Variants in CHST9 observed in about 807,000 individuals in gnomAD.
CHST9 encodes the protein GalNAc-4-sulfotransferase 2.
A neutral mutation model predicts 44.4 loss-of-function variants in CHST9; 41 were observed. The observed-to-expected ratio is 0.92, with a 90% confidence interval of 0.72 to 1.20. The LOEUF (loss-of-function observed/expected upper bound fraction) is 1.20, where lower values mean the gene tolerates loss of function less well. Ranked by LOEUF, CHST9 falls within the 50% of genes most tolerant of loss-of-function variation. The pLI is 0.00. For synonymous variants in CHST9, 171 were observed against 178.4 expected (o/e 0.96, Z 0.33); for missense variants, 504 against 516.5 (o/e 0.98, Z 0.23).
At chr18:27,025,400 T>C (rs546645977) in intron 3 of CHST9, among the ~76,000 whole-genome samples, 1 of 152,086 alleles carries the variant, frequency 6.6e-6, no homozygotes, top group South Asian at 2.1e-4. Flanking sequence ...ATTTATAATA[T>C]TGCTTTGCTA....
intron 3 of CHST9, among the ~76,000 whole-genome samples, chr18:27,027,757 A>ATAATCATCATGTATATTTCTCAGTTTCTG (rs1406611644): frequency 4.2e-4 from 64 of 152,336 alleles, no homozygotes; most frequent in Non-Finnish European, 8.2e-4. Context: ...AACTACACCC[A>ATAATCATCATGTATATTTCTCAGTTTCTG]TAATCATCAT....
intron 2 of CHST9, among the ~76,000 whole-genome samples, chr18:27,137,884 G>A (rs898763018): frequency 6.6e-6 from 1 of 152,030 alleles, no homozygotes. Context: ...GTAGCTGGGG[G>A]AAAAAATAAA....
chr18:27,179,510 T>C (rs2058894872), intron 1 of CHST9, among the ~76,000 whole-genome samples: 1 of 152,096 alleles, frequency 6.6e-6, no homozygotes, highest in African/African-American at 2.4e-5. Flanking sequence ...CAGAATATTT[T>C]AGGTAGGACT....
chr18:26,968,216 C>G (rs1598603039), intron 4 of CHST9, among the ~76,000 whole-genome samples: 1 of 152,066 alleles, frequency 6.6e-6, no homozygotes, highest in Non-Finnish European at 1.5e-5. Context: ...CTGACTAATA[C>G]AGTATGGAAA....
At chr18:27,048,407 T>C (rs868679898) in intron 3 of CHST9, 58 bp downstream of exon 3, 2 of 1,398,568 alleles carry the variant, frequency 1.4e-6, no homozygotes, top group Non-Finnish European at 2.0e-6. Context: ...TTTTAAAAAA[T>C]TTAAAGGTGG....
intron 2 of CHST9, among the ~76,000 whole-genome samples, chr18:27,091,275 T>C (rs2058066214): frequency 6.6e-6 from 1 of 152,186 alleles, no homozygotes; most frequent in Non-Finnish European, 1.5e-5. Context: ...GGAATGCTTG[T>C]AATTTTTGCA....
At chr18:27,038,997 A>T (rs1034655807) in intron 3 of CHST9, among the ~76,000 whole-genome samples, 1 of 152,198 alleles carries the variant, frequency 6.6e-6, no homozygotes, top group African/African-American at 2.4e-5. Context: ...TTTTTATTGG[A>T]TATTGCTGAT....
chr18:27,131,850 A>T (rs922236077), intron 2 of CHST9, among the ~76,000 whole-genome samples: 1 of 152,202 alleles, frequency 6.6e-6, no homozygotes, highest in Non-Finnish European at 1.5e-5. Flanking sequence ...TGCGAATCCA[A>T]ATTTTACACA....
At chr18:27,161,427 G>A (rs886277726) in intron 1 of CHST9, among the ~76,000 whole-genome samples, 5 of 152,192 alleles carry the variant, frequency 3.3e-5, no homozygotes, top group African/African-American at 4.8e-5. Context: ...AGTTTTGAGC[G>A]AGTTTCTGGA....
chr18:26,911,240 A>T lies in CHST9; in HGVS notation c.*5019T>A, dbSNP rs572264066. On this transcript the variant is annotated 3_prime_UTR_variant, in exon 6 of 6. Transcript: ENST00000618847. The stretch of plus-strand genomic sequence containing the variant: ...TCTGTTAAAGTAACGCTTTCCACTG[A>T]GTGCCTTGCTAGACATGGTACAAAG... 6.6e-6 allele frequency: 1 copy of T among 152,370 alleles called. No individual in the cohort carries two copies. The highest frequency in any genetic ancestry group is 1.5e-5 in the Non-Finnish European group (1 of 68,034). The allele number at this position is 152,370 out of a possible 1,614,324, so 9.4% of individuals were successfully genotyped here.
At chr18:27,065,064 A>T (rs144255116) in intron 2 of CHST9, among the ~76,000 whole-genome samples, 16 of 152,182 alleles carry the variant, frequency 1.1e-4, no homozygotes, top group Non-Finnish European at 1.9e-4. Context: ...GTGGCAGAAA[A>T]CTCTTCCATA....
chr18:26,975,072 A>T (rs2056600762), intron 4 of CHST9, among the ~76,000 whole-genome samples: 1 of 152,226 alleles, frequency 6.6e-6, no homozygotes, highest in Admixed American at 6.5e-5. Context: ...GCAGAGCTGC[A>T]AGCATGGGTC....
At chr18:27,035,393 A>C (rs1372470056) in intron 3 of CHST9, among the ~76,000 whole-genome samples, 1 of 152,136 alleles carries the variant, frequency 6.6e-6, no homozygotes, top group Admixed American at 6.6e-5. Flanking sequence ...TGCATTTCTT[A>C]TATAATTGCA....
chr18:27,003,151 T>A (rs2145230297), intron 4 of CHST9, among the ~76,000 whole-genome samples: 1 of 152,308 alleles, frequency 6.6e-6, no homozygotes, highest in Middle Eastern at 3.4e-3. Context: ...ATTTAAAGGT[T>A]GAGGGCAGAG....
intron 2 of CHST9, among the ~76,000 whole-genome samples, chr18:27,113,408 A>G (rs1183943310): frequency 1.3e-5 from 2 of 152,156 alleles, no homozygotes; most frequent in Non-Finnish European, 2.9e-5. Flanking sequence ...TTTAAAAGGA[A>G]AAATAAAAAA....
At chr18:27,010,163 A>G (rs2057065615) in intron 4 of CHST9, among the ~76,000 whole-genome samples, 1 of 152,156 alleles carries the variant, frequency 6.6e-6, no homozygotes, top group South Asian at 2.1e-4. Context: ...TTTCATATGA[A>G]GTAAATTTAT....
chr18:27,042,339 G>A (rs2057454884), intron 3 of CHST9, among the ~76,000 whole-genome samples: 1 of 152,078 alleles, frequency 6.6e-6, no homozygotes. Context: ...CACAGACCTA[G>A]ATCCAGGGGC....
intron 2 of CHST9, among the ~76,000 whole-genome samples, chr18:27,098,569 T>C (rs1314552431): frequency 6.6e-6 from 1 of 152,112 alleles, no homozygotes; most frequent in Non-Finnish European, 1.5e-5. Context: ...CCATCAATGA[T>C]AGGCTGGATA....
chr18:27,150,875 C>T (rs924299339), intron 1 of CHST9, among the ~76,000 whole-genome samples: 1 of 152,056 alleles, frequency 6.6e-6, no homozygotes, highest in African/African-American at 2.4e-5. Context: ...TTATAAAGCA[C>T]CTTAGTATAA....
Sources: gnomAD v4.1 joint callset for allele counts (sites outside exome capture counted in the v4.1 genomes callset) on GRCh38, gnomAD v4.1.1 for gene constraint, MANE v1.5 for transcripts, NCBI Gene and HGNC (gene_info 2026-07-23, HGNC 2026-07-21) for gene names.